ANPEP: variants seen among roughly 807,000 people sequenced by gnomAD.
The protein encoded by ANPEP is aminopeptidase N.
ANPEP carries 70 observed loss-of-function variants against 114.6 expected under a neutral mutation model. The ratio of observed to expected loss-of-function variants is 0.61; its 90% CI spans 0.50 to 0.75. The LOEUF (loss-of-function observed/expected upper bound fraction) is 0.75. Among genes scored for constraint, ANPEP ranks in the 30% least tolerant of loss-of-function variants. ANPEP has a pLI of 0.00. For missense variants in ANPEP, 1,184 were observed against 1,259.5 expected (o/e 0.94, Z 0.91); for synonymous variants, 548 against 522.3 (o/e 1.05, Z -0.67).
At chr15:89,811,153 C>T (rs577665339) in intron 1 of ANPEP, among the ~76,000 whole-genome samples, 71 of 152,342 alleles carry the variant, frequency 4.7e-4, no homozygotes, top group South Asian at 6.2e-4. Flanking sequence ...CCTTGATCCT[C>T]GGGACAGGTT....
rs368364187 is a variant in ANPEP at position 89,803,757 on chromosome 15, C to T, written c.1327G>A (p.Val443Met). The part of the protein sequence containing the change: ...DLMVLNDVYR[V>M]MAVDALASSH... ...GAGGCCAGTGCATCCACTGCCATCA[C>T]GCGGTACACATCATTCAGCACCATG... The change falls in exon 8 of 21, where the codon GTG (valine) becomes ATG (methionine). Residue 443 changes from valine (V) to methionine (M), a missense_variant. Coordinates refer to ENST00000300060, the MANE Select transcript of ANPEP (RefSeq NM_001150.3). This position sits in a 1 kb window ranked among gnomAD's most constrained non-coding sequence, Gnocchi z 4.2. 58 of 1,610,104 alleles carry T rather than the reference C, an allele frequency of 3.6e-5. No individual in the cohort carries two copies. The highest frequency in any genetic ancestry group is 7.7e-5 in the South Asian group (7 of 90,726).
intron 15 of ANPEP, among the ~76,000 whole-genome samples, chr15:89,797,219 G>T (rs1968745030): frequency 6.6e-6 from 1 of 152,184 alleles, no homozygotes; most frequent in African/African-American, 2.4e-5. Flanking sequence ...AGGTCTTCTG[G>T]CCCTCAGCAT....
intron 12 of ANPEP, among the ~76,000 whole-genome samples, chr15:89,800,479 T>TCTTCAGTGC (rs1210258146): frequency 5.9e-5 from 9 of 152,070 alleles, no homozygotes; most frequent in Admixed American, 4.6e-4. Context: ...GCCCTTCGCT[T>TCTTCAGTGC]CTTCAGTGCC....
At chr15:89,792,384 T>C in intron 17 of ANPEP, 57 bp from the exon 18 acceptor site, 1 of 1,612,594 alleles carries the variant, frequency 6.2e-7, no homozygotes. Flanking sequence ...TGGGACAGGG[T>C]TCTGCTGAGG....
Position 89,785,065 on chromosome 15 carries a change from A to C in ANPEP, c.*284T>G. On this transcript the variant is annotated 3_prime_UTR_variant, in exon 21 of 21. Transcript: ENST00000300060. ...AGAGCTTCTGCTCATCTGGCCCTGG[A>C]GCTGGGCTTCCCTGAGATCAGCCCC... The C allele has an allele frequency of 2.6e-6, 1 of 386,950 alleles. No homozygotes were observed. Among genetic ancestry groups the C allele is most frequent in the Non-Finnish European group, 4.8e-6 (1 of 208,638 alleles). 24.0% of individuals were successfully genotyped at this position (386,950 alleles called of 1,614,324 possible). A position where few individuals can be genotyped will look rare whatever the true frequency, so the allele number is the denominator to read the frequency against.
chr15:89,810,580 G>GA (rs540401836), intron 1 of ANPEP, among the ~76,000 whole-genome samples: 70 of 129,556 alleles, frequency 5.4e-4, no homozygotes, highest in East Asian at 8.8e-4. Context: ...TTTCAAAAAA[G>GA]AAAAAAAAAA....
chr15:89,802,757 CAG>C (rs1894621915), intron 10 of ANPEP: 1 of 174,826 alleles, frequency 5.7e-6, no homozygotes, highest in Non-Finnish European at 1.2e-5. Flanking sequence ...GCCCTACAAA[CAG>C]GGGCTGTGCG....
At chr15:89,797,446 G>GT in intron 15 of ANPEP, 129 bp downstream of exon 15, 2 of 1,350,502 alleles carry the variant, frequency 1.5e-6, no homozygotes, top group Non-Finnish European at 2.0e-6. Context: ...TTTTTTTTTG[G>GT]TTTTTTGTTT....
chr15:89,801,617 G>A lies in ANPEP; in HGVS notation c.1570-10C>T, dbSNP rs1894593330. 3 of 1,611,782 alleles carry A rather than the reference G, an allele frequency of 1.9e-6. No homozygotes were observed. Among genetic ancestry groups the A allele is most frequent in the South Asian group, 1.1e-5 (1 of 91,010 alleles). ...ACCGGTTGTTCACAGCCTGTGGGTG[G>A]AGCGAGAGGGCGTGGCCATCAGTGG... On this transcript the variant is annotated splice_polypyrimidine_tract_variant and intron_variant, in intron 10 of 20. Coordinates refer to ENST00000300060, the MANE Select transcript of ANPEP (RefSeq NM_001150.3).
Position 89,801,178 on chromosome 15 carries a change from C to G in ANPEP, c.1752G>C (p.Trp584Cys). The change falls in exon 12 of 21, where the codon TGG becomes TGC. Residue 584 changes from tryptophan (W) to cysteine (C), a missense_variant. Physicochemically the swap from Trp to Cys is radical, Grantham distance 215. Coordinates refer to ENST00000300060, the MANE Select transcript of ANPEP (RefSeq NM_001150.3). ...CTCTGATGGATGTGATGGGCACAAT[C>G]CACACGTAGCTGCAATTAAAGATCC... ...VTRPSEFNYV[W>C]IVPITSIRDG... The G allele has an allele frequency of 6.2e-7, 1 of 1,614,124 alleles. No homozygotes were observed. The highest frequency in any genetic ancestry group is 1.7e-5 in the Admixed American group (1 of 60,028).
At chr15:89,804,675 G>A (rs1894672973) in intron 4 of ANPEP, 58 bp from the exon 5 acceptor site, 1 of 1,590,228 alleles carries the variant, frequency 6.3e-7, no homozygotes. Context: ...GGGGCAGGTG[G>A]GCTGGGTCCC....
rs1968487720 is a variant in ANPEP at position 89,785,394 on chromosome 15, C to T, written c.2859G>A (p.Glu953=). The change falls in exon 21 of 21, where the codon GAG becomes GAA. Residue 953 remains glutamate, a synonymous_variant. Coordinates refer to ENST00000300060, the MANE Select transcript of ANPEP (RefSeq NM_001150.3). The part of the protein sequence containing the change: ...KTKANIKWVK[E]NKEVVLQWFT... ...ACCACTGGAGCACCACCTCCTTGTT[C>T]TCCTTCACCCACTTGATGTTGGCTT... is the stretch of plus-strand genomic sequence containing the variant. 1 of 1,614,240 alleles carries T rather than the reference C, an allele frequency of 6.2e-7. No individual in the cohort carries two copies. The highest frequency in any genetic ancestry group is 8.5e-7 in the Non-Finnish European group (1 of 1,180,042).
Position 89,804,015 on chromosome 15 carries a change from G to C in ANPEP, c.1180-13C>G. On this transcript the variant is annotated splice_polypyrimidine_tract_variant and intron_variant, in intron 6 of 20. Coordinates refer to ENST00000300060, the MANE Select transcript of ANPEP (RefSeq NM_001150.3). ...GGTTCCCGAACCACTGTGGGGGGAGGGGTCAGCTGGGCAAGCCACGCCCAG... is the reference window on the plus strand; with the variant it reads ...GGTTCCCGAACCACTGTGGGGGGAGCGGTCAGCTGGGCAAGCCACGCCCAG... The C allele has an allele frequency of 6.2e-7, 1 of 1,612,812 alleles. No individual in the cohort carries two copies. The highest frequency in any genetic ancestry group is 2.2e-5 in the East Asian group (1 of 44,850).
chr15:89,796,494 T>G (rs1158935944), intron 15 of ANPEP, among the ~76,000 whole-genome samples: 2 of 151,970 alleles, frequency 1.3e-5, no homozygotes, highest in East Asian at 1.9e-4. Context: ...CTTTTTTTTT[T>G]TCTTTTTTTT....
rs191314037 is a variant in ANPEP at position 89,801,315 on chromosome 15, G to A, written c.1742+120C>T. ...TGCCCCTGAACTCCTGGCTCTGGAG[G>A]GAGGGTCTGTCTACAGTGGCTGGGG... is the stretch of plus-strand genomic sequence containing the variant. On this transcript the variant is annotated intron_variant, in intron 11 of 20. Transcript: ENST00000300060. 1.9e-6 allele frequency: 3 copies of A among 1,539,828 alleles called. No homozygotes were observed. In the East Asian group the frequency reaches 6.8e-5, roughly 35 times the overall value.
rs529036145 is a variant in ANPEP at position 89,805,633 on chromosome 15, C to A, written c.615-170G>T. Among the ~76,000 whole-genome samples the A allele has an allele frequency of 7.9e-5, 12 of 152,358 alleles. No individual in the cohort carries two copies. The South Asian group carries it at 2.5e-3, about 32-fold the overall frequency. On this transcript the variant is annotated intron_variant, in intron 2 of 20. Coordinates refer to ENST00000300060, the MANE Select transcript of ANPEP (RefSeq NM_001150.3). ...GGGAGCCTCCGGAGCCCTGCCAGGCCAGCTGACTCGTGGGGGTTGGGGCTC... is the reference window on the plus strand; with the variant it reads ...GGGAGCCTCCGGAGCCCTGCCAGGCAAGCTGACTCGTGGGGGTTGGGGCTC...
chr15:89,803,421 G>T lies in ANPEP; in HGVS notation c.1503+21C>A, dbSNP rs1894636241. 2.5e-6 allele frequency: 4 copies of T among 1,609,316 alleles called. No individual in the cohort carries two copies. Among genetic ancestry groups the T allele is most frequent in the Middle Eastern group, 1.6e-4 (1 of 6,066 alleles). On this transcript the variant is annotated intron_variant, in intron 9 of 20. Transcript: ENST00000300060. The surrounding 1 kb of genome is among the most constrained non-coding windows in gnomAD (Gnocchi z 4.2). ...CAGAAGGAGACCCACCCTCATGGCT[G>T]GCCCAGGGTGCAGTACTCACCGCCA...
chr15:89,801,032 C>T (rs1894577593), intron 12 of ANPEP, 79 bp downstream of exon 12: 3 of 1,258,342 alleles, frequency 2.4e-6, no homozygotes, highest in Admixed American at 3.8e-5. Context: ...TGGAATGGCC[C>T]ATCACAGCCC....
chr15:89,808,694 C>A (rs1170990826), intron 1 of ANPEP, among the ~76,000 whole-genome samples: 1 of 152,178 alleles, frequency 6.6e-6, no homozygotes, highest in South Asian at 2.1e-4. Context: ...CAGGCCCCAG[C>A]ATGTCAGGGC....
Sources: allele counts gnomAD v4.1 joint callset (sites outside exome capture counted in the v4.1 genomes callset), GRCh38; gene constraint gnomAD v4.1.1; non-coding constraint Gnocchi (gnomAD v3.1); transcripts MANE v1.5; gene names NCBI Gene and HGNC (gene_info 2026-07-23, HGNC 2026-07-21).